FNDC1: variants seen among roughly 807,000 people sequenced by gnomAD.
The protein encoded by FNDC1 is fibronectin type III domain containing 1, also known as fibronectin type III domain-containing protein 1.
In FNDC1, 96 loss-of-function variants were observed where a neutral mutation model predicts 168.0. That is an observed-to-expected ratio of 0.57 (90% CI 0.48 to 0.68). The LOEUF is 0.68. FNDC1 is among the 30% of genes least tolerant of loss of function. The pLI is 0.00. For synonymous variants in FNDC1, 1,099 were observed against 1,025.9 expected, an observed-to-expected ratio of 1.07 and a Z score of -1.36; for missense variants, 2,587 against 2,482.1, an observed-to-expected ratio of 1.04 and a Z score of -0.90.
chr6:159,268,642 CTATG>C (rs900299492), intron 22 of FNDC1, among the ~76,000 whole-genome samples: 215 of 152,022 alleles, frequency 1.4e-3, no homozygotes, highest in African/African-American at 4.7e-3. Context: ...ATCTATCCAT[CTATG>C]TATGTATGTA....
At chr6:159,221,968 C>T (rs930405529) in intron 6 of FNDC1, among the ~76,000 whole-genome samples, 1 of 152,186 alleles carries the variant, frequency 6.6e-6, no homozygotes. Context: ...GCGTTCATTC[C>T]AGTAAAGGTG....
intron 1 of FNDC1, among the ~76,000 whole-genome samples, chr6:159,189,319 C>A (rs1348280295): frequency 6.6e-6 from 1 of 152,168 alleles, no homozygotes; most frequent in Non-Finnish European, 1.5e-5. Context: ...ATTCTTCCTC[C>A]ACAGCCTCGT....
chr6:159,202,919 C>G (rs1308593911), intron 4 of FNDC1, among the ~76,000 whole-genome samples: 3 of 152,180 alleles, frequency 2.0e-5, no homozygotes, highest in Non-Finnish European at 2.9e-5. Flanking sequence ...TTAGAAAACA[C>G]AAATTTATTT....
At chr6:159,218,628 C>G (rs426819) in intron 5 of FNDC1, 73,942 of 151,990 alleles carry the variant, frequency 0.49, 20,333 homozygotes, top group African/African-American at 0.75. Flanking sequence ...TGTTAAGGAA[C>G]CTTGAGGGGT....
chr6:159,246,975 A>C lies in FNDC1; in HGVS notation c.4690+6A>C, dbSNP rs1478111773. 6.3e-7 allele frequency: 1 copy of C among 1,599,150 alleles called. No individual in the cohort carries two copies. Among genetic ancestry groups the C allele is most frequent in the Non-Finnish European group, 8.6e-7 (1 of 1,166,514 alleles). ...CTACGTTATATATGATGAAGGTACA[A>C]ACTGGCTTTTGAAAAATTATTTGCA... is the stretch of plus-strand genomic sequence containing the variant. On this transcript the variant is annotated splice_donor_region_variant and intron_variant, in intron 15 of 22. Transcript: ENST00000297267.
chr6:159,177,157 A>T (rs897165710), intron 1 of FNDC1, among the ~76,000 whole-genome samples: 41 of 152,218 alleles, frequency 2.7e-4, no homozygotes, highest in African/African-American at 9.6e-4. Flanking sequence ...ACCCTGTGCA[A>T]TTTTAGGAGT....
intron 8 of FNDC1, among the ~76,000 whole-genome samples, chr6:159,226,258 C>T (rs1241226347): frequency 6.6e-6 from 1 of 152,072 alleles, no homozygotes; most frequent in Non-Finnish European, 1.5e-5. Context: ...AGACCATTTC[C>T]CTAGATAGGT....
At chr6:159,222,103 T>C (rs777241029) in intron 6 of FNDC1, among the ~76,000 whole-genome samples, 1 of 152,198 alleles carries the variant, frequency 6.6e-6, no homozygotes, top group Non-Finnish European at 1.5e-5. Context: ...ATATTTGCAT[T>C]AAAATGGCAT....
chr6:159,231,975 C>G lies in FNDC1; in HGVS notation c.1463C>G (p.Ser488Cys). Residue 488 changes from serine to cysteine, a missense_variant, in exon 11 of 23, where the codon TCC (serine) becomes TGC (cysteine). Coordinates refer to ENST00000297267, the MANE Select transcript of FNDC1 (RefSeq NM_032532.3). Reference protein sequence around the residue: ...SSPSPRAPASSQHPSVPASPQ... With the variant: ...SSPSPRAPASCQHPSVPASPQ... ...CCTTCTCCCAGAGCTCCAGCTTCCTCCCAACACCCCTCTGTGCCTGCTTCT... is the reference window on the plus strand; with the variant it reads ...CCTTCTCCCAGAGCTCCAGCTTCCTGCCAACACCCCTCTGTGCCTGCTTCT... 1 of 1,614,004 alleles carries G rather than the reference C, an allele frequency of 6.2e-7. No homozygotes were observed. Among genetic ancestry groups the G allele is most frequent in the Non-Finnish European group, 8.5e-7 (1 of 1,179,902 alleles).
intron 2 of FNDC1, 59 bp downstream of exon 2, chr6:159,197,684 T>G: frequency 6.8e-7 from 1 of 1,473,552 alleles, no homozygotes; most frequent in Non-Finnish European, 9.3e-7. Context: ...ACATTCTCAG[T>G]TGCATTCTTA....
chr6:159,232,647 C>T lies in FNDC1; in HGVS notation c.2135C>T (p.Ala712Val), dbSNP rs1427904597. 6.8e-6 allele frequency: 11 copies of T among 1,612,896 alleles called. No homozygotes were observed. Among genetic ancestry groups the T allele is most frequent in the African/African-American group, 1.3e-5 (1 of 74,932 alleles). ...GGGGCCGCAGAGGAAGATTCCAGTG[C>T]CTCAGCCCCACCCTCAAGACTTTCT... ...HSGAAEEDSS[A>V]SAPPSRLSPP... is the part of the protein sequence containing the mutation. The change falls in exon 11 of 23, where the codon GCC becomes GTC. Residue 712 changes from alanine to valine, a missense_variant. Transcript: ENST00000297267. This position sits in a 1 kb window ranked among gnomAD's most constrained non-coding sequence, Gnocchi z 4.9.
intron 11 of FNDC1, 85 bp from the exon 12 acceptor site, chr6:159,236,130 A>C: frequency 1.3e-6 from 1 of 788,102 alleles, no homozygotes; most frequent in Non-Finnish European, 2.1e-6. Flanking sequence ...ATGATGTGTC[A>C]CTACTAATAG....
intron 1 of FNDC1, among the ~76,000 whole-genome samples, chr6:159,183,108 T>A (rs1221292383): frequency 1.3e-5 from 2 of 152,232 alleles, no homozygotes; most frequent in African/African-American, 4.8e-5. Context: ...GTGGAGTGTT[T>A]TATGATTTTC....
At chr6:159,187,861 G>A (rs552933709) in intron 1 of FNDC1, among the ~76,000 whole-genome samples, 6 of 152,226 alleles carry the variant, frequency 3.9e-5, no homozygotes, top group East Asian at 3.9e-4. Flanking sequence ...GTCCTGTATC[G>A]TATGAATGAT....
Position 159,232,041 on chromosome 6 carries a change from A to G in FNDC1, c.1529A>G (p.Lys510Arg), listed in dbSNP as rs761407410. 6.2e-7 allele frequency: 1 copy of G among 1,613,898 alleles called. No individual in the cohort carries two copies. The highest frequency in any genetic ancestry group is 1.3e-5 in the African/African-American group (1 of 75,054). ...RNAKDLLLDLKNKILANGGAP... is the reference protein window; with the variant it reads ...RNAKDLLLDLRNKILANGGAP... ...GCCAAGGACCTTCTTCTTGACTTGA[A>G]GAACAAAATATTGGCTAATGGTGGG... The change falls in exon 11 of 23, where the codon AAG (lysine) becomes AGG (arginine). Residue 510 changes from lysine to arginine, a missense_variant. Physicochemically the swap from Lys to Arg is conservative, Grantham distance 26. Transcript: ENST00000297267. This position sits in a 1 kb window ranked among gnomAD's most constrained non-coding sequence, Gnocchi z 4.9.
At chr6:159,206,578 C>A (rs1055502762) in intron 4 of FNDC1, among the ~76,000 whole-genome samples, 1 of 152,200 alleles carries the variant, frequency 6.6e-6, no homozygotes, top group African/African-American at 2.4e-5. Flanking sequence ...TTGACAACAG[C>A]TGGGGCTTGG....
At chr6:159,171,456 C>T (rs1018326738) in intron 1 of FNDC1, among the ~76,000 whole-genome samples, 2 of 152,204 alleles carry the variant, frequency 1.3e-5, no homozygotes, top group African/African-American at 4.8e-5. Context: ...ACTGCTCCCT[C>T]TCTCTGGTTG....
chr6:159,217,980 T>G (rs989631594), intron 5 of FNDC1, among the ~76,000 whole-genome samples: 1 of 151,960 alleles, frequency 6.6e-6, no homozygotes, highest in Non-Finnish European at 1.5e-5. Flanking sequence ...CCTACACAGG[T>G]GAGCTGACCG....
intron 1 of FNDC1, among the ~76,000 whole-genome samples, chr6:159,193,535 A>G (rs1782182195): frequency 6.6e-6 from 1 of 152,114 alleles, no homozygotes; most frequent in Non-Finnish European, 1.5e-5. Flanking sequence ...TGCCCCATCT[A>G]CTATGATGAA....
Sources: gnomAD v4.1 joint callset for allele counts (sites outside exome capture counted in the v4.1 genomes callset) on GRCh38, gnomAD v4.1.1 for gene constraint, Gnocchi (gnomAD v3.1) non-coding constraint, MANE v1.5 for transcripts, NCBI Gene and HGNC (gene_info 2026-07-23, HGNC 2026-07-21) for gene names.